CLHC1: variants seen among roughly 807,000 people sequenced by gnomAD.
CLHC1 encodes clathrin heavy chain linker domain containing 1.
A neutral mutation model predicts 69.5 loss-of-function variants in CLHC1; 72 were observed. The ratio of observed to expected loss-of-function variants is 1.04; its 90% CI spans 0.86 to 1.26. CLHC1 has a LOEUF of 1.26. CLHC1 is among the 50% of genes most tolerant of loss of function. CLHC1 has a pLI of 0.00. For synonymous variants in CLHC1, 223 were observed against 224.3 expected (o/e 0.99, Z 0.05); for missense variants, 790 against 679.3 (o/e 1.16, Z -1.81).
At chr2:55,227,184 G>T (rs1390311151) in intron 2 of CLHC1, among the ~76,000 whole-genome samples, 1 of 152,126 alleles carries the variant, frequency 6.6e-6, no homozygotes, top group Admixed American at 6.5e-5. Flanking sequence ...TCCAGCAAGG[G>T]AATAACTCAT....
intron 2 of CLHC1, 74 bp from the exon 3 acceptor site, chr2:55,222,567 T>G: frequency 1.8e-6 from 1 of 570,322 alleles, no homozygotes; most frequent in Middle Eastern, 4.7e-4. Context: ...AAAAATGTAT[T>G]TTTTTTAGAA....
At chr2:55,225,725 C>T (rs973801604) in intron 2 of CLHC1, 1 of 152,438 alleles carries the variant, frequency 6.6e-6, no homozygotes, top group Non-Finnish European at 1.5e-5. Flanking sequence ...CCAGGGGGTT[C>T]CTGCAGCATC....
At chr2:55,188,456 T>C (rs369518990) in intron 9 of CLHC1, among the ~76,000 whole-genome samples, 2 of 152,152 alleles carry the variant, frequency 1.3e-5, no homozygotes, top group East Asian at 1.9e-4. Context: ...CTACCAACCA[T>C]TGTCAAAGAT....
At chr2:55,222,191 G>T in intron 3 of CLHC1, 44 bp downstream of exon 3, 2 of 1,361,388 alleles carry the variant, frequency 1.5e-6, no homozygotes, top group Admixed American at 1.7e-5. Context: ...ATAGATCATT[G>T]CTATCCTCAT....
chr2:55,193,813 C>T (rs1238008885), intron 9 of CLHC1, among the ~76,000 whole-genome samples: 1 of 152,146 alleles, frequency 6.6e-6, no homozygotes, highest in African/African-American at 2.4e-5. Context: ...CACACAAAAA[C>T]TTGTATACAA....
chr2:55,176,395 T>C (rs1178130661), intron 12 of CLHC1, among the ~76,000 whole-genome samples: 1 of 152,144 alleles, frequency 6.6e-6, no homozygotes, highest in African/African-American at 2.4e-5. Flanking sequence ...ATAGGTCAAG[T>C]TTTCATGATT....
At chr2:55,232,433 C>T (rs1675508673), upstream of CLHC1, 1 of 298,794 alleles carries the variant, frequency 3.3e-6, no homozygotes, top group Non-Finnish European at 6.6e-6. Flanking sequence ...ATTCTCTTAG[C>T]CACGTTGATT....
At chr2:55,221,624 T>C (rs1327920130) in intron 3 of CLHC1, among the ~76,000 whole-genome samples, 1 of 152,208 alleles carries the variant, frequency 6.6e-6, no homozygotes, top group Non-Finnish European at 1.5e-5. Flanking sequence ...ATGATACTTT[T>C]AGATGAAAAG....
chr2:55,211,772 C>G (rs1673035887), intron 5 of CLHC1, among the ~76,000 whole-genome samples: 1 of 152,066 alleles, frequency 6.6e-6, no homozygotes, highest in African/African-American at 2.4e-5. Flanking sequence ...TCTGTAATTC[C>G]TCTATCCACT....
At chr2:55,179,611 A>G (rs898764982) in intron 11 of CLHC1, among the ~76,000 whole-genome samples, 1 of 152,140 alleles carries the variant, frequency 6.6e-6, no homozygotes, top group Non-Finnish European at 1.5e-5. Context: ...ACTGGGATAC[A>G]TAGCCTGCAA....
At chr2:55,196,808 G>T (rs1411549439) in intron 9 of CLHC1, among the ~76,000 whole-genome samples, 1 of 152,206 alleles carries the variant, frequency 6.6e-6, no homozygotes, top group Non-Finnish European at 1.5e-5. Context: ...GCTTCTTCTT[G>T]AGAAAAGCAG....
In CLHC1 at chr2:55,205,190, A is replaced by G. The variant is rs1003628542; in HGVS notation, c.1006+1080T>C. 5.9e-5 allele frequency among the ~76,000 whole-genome samples: 9 copies of G among 152,180 alleles called. 1 individual carries two copies. The highest frequency in any genetic ancestry group is 1.3e-4 in the Non-Finnish European group (9 of 68,028). On this transcript the variant is annotated intron_variant, in intron 9 of 12. Transcript: ENST00000401408. ...GGGAATGTAAATTAGTACAATCTCT[A>G]TGGAATACAGTATGGAAATTTCTCA...
chr2:55,175,875 G>A lies in CLHC1; in HGVS notation c.1676C>T (p.Thr559Met), dbSNP rs148866407. The change falls in exon 13 of 13, where the codon ACG becomes ATG. Residue 559 changes from threonine (T) to methionine (M), a missense_variant. Transcript: ENST00000401408. ...TGCAGCCTGAGATCGAAGAATAGAC[G>A]TGATGTCATTAGATAATTTGTCAAA... ...NGFDKLSNDI[T>M]SILRSQAAVT... 19 of 1,613,874 alleles carry A rather than the reference G, an allele frequency of 1.2e-5. No individual in the cohort carries two copies. The highest frequency in any genetic ancestry group is 1.2e-4 in the Admixed American group (7 of 60,016).
intron 4 of CLHC1, among the ~76,000 whole-genome samples, chr2:55,213,831 T>C (rs1024466884): frequency 1.4e-4 from 21 of 152,172 alleles, no homozygotes; most frequent in African/African-American, 5.1e-4. Context: ...TGGAGAATGA[T>C]TGGACTCAAT....
intron 9 of CLHC1, chr2:55,205,680 G>C (rs995260690): frequency 4.6e-5 from 7 of 152,392 alleles, no homozygotes; most frequent in African/African-American, 1.7e-4. Context: ...GATTGCCTGA[G>C]GTTAGGAGTT....
At position 55,206,291 on chromosome 2, in the gene CLHC1, C is replaced by CA; in HGVS notation, c.984dup (p.Gly329TrpfsTer7). On this transcript the variant is annotated frameshift_variant, in exon 9 of 13. Transcript: ENST00000401408. LOFTEE classifies it high-confidence loss of function. ...TTACCCTTAAATGTATTCATTGTAC[C>CA]AATGTTTCGAAGAATTCTTCTAGGA... 1 of 1,600,682 alleles carries CA rather than the reference C, an allele frequency of 6.2e-7. No individual in the cohort carries two copies. Among genetic ancestry groups the CA allele is most frequent in the Non-Finnish European group, 8.6e-7 (1 of 1,168,432 alleles).
chr2:55,205,808 T>C (rs1672385267), intron 9 of CLHC1: 1 of 152,692 alleles, frequency 6.5e-6, no homozygotes, highest in Admixed American at 6.6e-5. Flanking sequence ...AACGGGAGAA[T>C]CGTTTGAACC....
At chr2:55,203,511 C>T (rs1470503398) in intron 9 of CLHC1, among the ~76,000 whole-genome samples, 2 of 152,038 alleles carry the variant, frequency 1.3e-5, no homozygotes, top group African/African-American at 2.4e-5. Context: ...AATGCACATA[C>T]CTAAAGTGAA....
In CLHC1 at chr2:55,212,277, C is replaced by CA. The variant is rs1336360236; in HGVS notation, c.499+395dup. 2.6e-5 allele frequency among the ~76,000 whole-genome samples: 4 copies of CA among 151,980 alleles called. No individual in the cohort carries two copies. In the East Asian group the frequency reaches 5.8e-4, roughly 22 times the overall value. ...TGGGTGACGGAGAGAGACTAGGTCT[C>CA]AAAAAAGAAAAGAAAAGAAAAACCT... On this transcript the variant is annotated intron_variant, in intron 5 of 12. Coordinates refer to ENST00000401408, the MANE Select transcript of CLHC1 (RefSeq NM_152385.4).
Sources: gnomAD v4.1 joint callset for allele counts (sites outside exome capture counted in the v4.1 genomes callset) on GRCh38, gnomAD v4.1.1 for gene constraint, MANE v1.5 for transcripts, NCBI Gene and HGNC (gene_info 2026-07-23, HGNC 2026-07-21) for gene names.